EPSTI1: variants seen among roughly 807,000 people sequenced by gnomAD.
EPSTI1 encodes the protein epithelial-stromal interaction protein 1.
EPSTI1 carries 66 observed loss-of-function variants against 49.9 expected under a neutral mutation model. The ratio of observed to expected loss-of-function variants is 1.32; its 90% CI spans 1.08 to 1.62. The LOEUF (loss-of-function observed/expected upper bound fraction) is 1.62. EPSTI1 is among the 40% of genes most tolerant of loss of function. EPSTI1 has a pLI of 0.00. For missense variants in EPSTI1, 394 were observed against 365.5 expected (o/e 1.08, Z -0.64); for synonymous variants, 137 against 130.7 (o/e 1.05, Z -0.33).
At chr13:42,943,805 A>G (rs1206041867) in intron 6 of EPSTI1, among the ~76,000 whole-genome samples, 1 of 152,204 alleles carries the variant, frequency 6.6e-6, no homozygotes, top group African/African-American at 2.4e-5. Context: ...GAATCTACAA[A>G]GAATTTAAAC....
intron 1 of EPSTI1, among the ~76,000 whole-genome samples, chr13:42,988,720 G>A (rs1302765324): frequency 2.9e-5 from 4 of 139,902 alleles, no homozygotes; most frequent in Non-Finnish European, 3.1e-5. Flanking sequence ...GACAGAGCGA[G>A]ACTCTGTCTC....
chr13:42,934,388 T>C, intron 6 of EPSTI1: 1 of 155,970 alleles, frequency 6.4e-6, no homozygotes. Context: ...GGTGAACAAC[T>C]GCATCTGGGC....
At chr13:42,988,660 G>A (rs2040127910) in intron 1 of EPSTI1, among the ~76,000 whole-genome samples, 1 of 151,782 alleles carries the variant, frequency 6.6e-6, no homozygotes, top group African/African-American at 2.4e-5. Flanking sequence ...GAACACGGGA[G>A]GCAGAGGTTG....
At chr13:42,912,343 A>T (rs530908836) in intron 8 of EPSTI1, among the ~76,000 whole-genome samples, 38 of 152,286 alleles carry the variant, frequency 2.5e-4, no homozygotes, top group African/African-American at 8.9e-4. Flanking sequence ...CCACACTTGC[A>T]CTACATAGTA....
At chr13:42,912,887 C>T (rs1045657554) in intron 8 of EPSTI1, among the ~76,000 whole-genome samples, 5 of 151,310 alleles carry the variant, frequency 3.3e-5, no homozygotes, top group Non-Finnish European at 7.4e-5. Flanking sequence ...CAGAACAGAT[C>T]TGAAATGTCC....
Position 42,963,311 on chromosome 13 carries a change from T to C in EPSTI1, c.433A>G (p.Lys145Glu), listed in dbSNP as rs1265902894. Residue 145 changes from lysine (K) to glutamate (E), a missense_variant, in exon 5 of 11, where the codon AAG becomes GAG. Transcript: ENST00000313624. ...AGTTCAGCTTCTTCAGCTTCCTTCTTGATTCTTACAGATTCTTCTCTTTTT... is the reference window on the plus strand; with the variant it reads ...AGTTCAGCTTCTTCAGCTTCCTTCTCGATTCTTACAGATTCTTCTCTTTTT... Reference protein sequence around the residue: ...KLKREESVRIKKEAEEAELQK... With the variant: ...KLKREESVRIEKEAEEAELQK... 1 of 1,613,354 alleles carries C rather than the reference T, an allele frequency of 6.2e-7. No individual in the cohort carries two copies. Among genetic ancestry groups the C allele is most frequent in the Non-Finnish European group, 8.5e-7 (1 of 1,179,840 alleles).
intron 6 of EPSTI1, among the ~76,000 whole-genome samples, chr13:42,946,053 G>A (rs1222056976): frequency 6.6e-6 from 1 of 152,116 alleles, no homozygotes; most frequent in African/African-American, 2.4e-5. Flanking sequence ...TATGGGTAAG[G>A]GATCAACTGA....
At chr13:42,969,802 C>G (rs2039722193) in intron 2 of EPSTI1, 1 of 152,290 alleles carries the variant, frequency 6.6e-6, no homozygotes, top group Admixed American at 6.5e-5. Flanking sequence ...CACTCCAGCG[C>G]CTCCCCTTAT....
intron 1 of EPSTI1, among the ~76,000 whole-genome samples, chr13:42,986,179 G>A (rs1054317554): frequency 2.0e-5 from 3 of 152,230 alleles, no homozygotes; most frequent in Non-Finnish European, 4.4e-5. Context: ...GGGGCCGTCA[G>A]CTGACTATGC....
intron 8 of EPSTI1, 149 bp downstream of exon 8, chr13:42,917,392 A>T (rs2037860214): frequency 4.0e-6 from 3 of 755,998 alleles, no homozygotes; most frequent in South Asian, 3.4e-5. Flanking sequence ...CTCTTAAAAC[A>T]CATCCAGAAA....
chr13:42,933,312 TAAAAAAAAAAA>T (rs1178617129), intron 6 of EPSTI1, among the ~76,000 whole-genome samples: 3 of 77,346 alleles, frequency 3.9e-5, no homozygotes, highest in African/African-American at 1.1e-4. Flanking sequence ...ACATAAAAAG[TAAAAAAAAAAA>T]AAAAAAAAAG....
In EPSTI1 at chr13:42,963,988, G is replaced by A. The variant is rs111514427; in HGVS notation, c.405+78C>T. 2.8e-4 allele frequency: 355 copies of A among 1,268,046 alleles called. 1 individual carries two copies. In the African/African-American group the frequency reaches 4.7e-3, roughly 17 times the overall value. The allele number at this position is 1,268,046 out of a possible 1,614,324, so 78.5% of individuals were successfully genotyped here. ...GTTTTATACTTTTGGTAAAGTTACT[G>A]TGTTATTTCACAGTTACTTGTAAGA... On this transcript the variant is annotated intron_variant, in intron 4 of 10. Coordinates refer to ENST00000313624, the MANE Select transcript of EPSTI1 (RefSeq NM_033255.5).
At chr13:42,935,847 C>T (rs944234243) in intron 6 of EPSTI1, among the ~76,000 whole-genome samples, 6 of 152,158 alleles carry the variant, frequency 3.9e-5, no homozygotes, top group African/African-American at 1.4e-4. Context: ...CTGCCTCAGC[C>T]TCCCAAAGTG....
In EPSTI1 at chr13:42,919,466, T is replaced by C. The variant is rs2037932314; in HGVS notation, c.658-1842A>G. On this transcript the variant is annotated intron_variant, in intron 7 of 10. Transcript: ENST00000313624. ...TTCATTTAATACAATACCAATGCTA[T>C]ATTTTATCATTCAACCAAAATACAC... 7 of 791,526 alleles carry C rather than the reference T, an allele frequency of 8.8e-6. No homozygotes were observed. In the Admixed American group the frequency reaches 1.4e-4, roughly 16 times the overall value. 49.0% of individuals were successfully genotyped at this position (791,526 alleles called of 1,614,324 possible). A position where few individuals can be genotyped will look rare whatever the true frequency, so the allele number is the denominator to read the frequency against.
chr13:42,897,050 AGAT>A (rs559039214), intron 9 of EPSTI1, among the ~76,000 whole-genome samples: 15 of 150,372 alleles, frequency 1.0e-4, no homozygotes, highest in African/African-American at 3.7e-4. Context: ...CAGTGAGTGG[AGAT>A]GATGTCACTG....
chr13:42,927,677 T>C (rs2038228068), intron 6 of EPSTI1, among the ~76,000 whole-genome samples: 1 of 152,080 alleles, frequency 6.6e-6, no homozygotes, highest in Non-Finnish European at 1.5e-5. Flanking sequence ...AAGCTTGATC[T>C]GGGGAAGGAA....
Position 42,886,723 on chromosome 13 carries a change from T to C in EPSTI1, c.*1771A>G, listed in dbSNP as rs1242375236. On this transcript the variant is annotated 3_prime_UTR_variant, in exon 11 of 11. Transcript: ENST00000313624. Reference sequence around the variant, plus strand: ...GATATTTGGTTAAGCAAGATGTTTATACCCCCACACATATTCTAGATAGTT... The same window carrying C: ...GATATTTGGTTAAGCAAGATGTTTACACCCCCACACATATTCTAGATAGTT... 3.3e-5 allele frequency: 5 copies of C among 152,196 alleles called. No homozygotes were observed. Among genetic ancestry groups the C allele is most frequent in the African/African-American group, 9.6e-5 (4 of 41,458 alleles). 9.4% of individuals were successfully genotyped at this position (152,196 alleles called of 1,614,324 possible).
At chr13:42,985,854 A>G (rs1416579044) in intron 1 of EPSTI1, among the ~76,000 whole-genome samples, 2 of 152,176 alleles carry the variant, frequency 1.3e-5, no homozygotes, top group African/African-American at 4.8e-5. Context: ...TGTCCAATGG[A>G]CAACCCCAGA....
At chr13:42,900,974 T>C (rs1476112342) in intron 8 of EPSTI1, among the ~76,000 whole-genome samples, 2 of 152,182 alleles carry the variant, frequency 1.3e-5, no homozygotes, top group Non-Finnish European at 2.9e-5. Flanking sequence ...ACTAAATCTT[T>C]AGCTTCCAAC....
Sources: gnomAD v4.1 joint callset for allele counts (sites outside exome capture counted in the v4.1 genomes callset) on GRCh38, gnomAD v4.1.1 for gene constraint, MANE v1.5 for transcripts, NCBI Gene and HGNC (gene_info 2026-07-23, HGNC 2026-07-21) for gene names.